RASSF3: variants seen among roughly 807,000 people sequenced by gnomAD.
RASSF3 encodes ras association domain-containing protein 3.
Under a neutral mutation model 19.9 loss-of-function variants are expected in RASSF3, and 19 were observed. That is an observed-to-expected ratio of 0.96 (90% CI 0.67 to 1.40). The LOEUF (loss-of-function observed/expected upper bound fraction) is 1.40, where lower values mean the gene tolerates loss of function less well. Among genes scored for constraint, RASSF3 ranks in the 40% most tolerant of loss-of-function variants. The probability of loss-of-function intolerance (pLI) is 0.00; values close to 1 mark genes in which losing one functional copy is unlikely to be tolerated. For missense variants in RASSF3, 306 were observed against 289.8 expected, an observed-to-expected ratio of 1.06 and a Z score of -0.41; for synonymous variants, 110 against 104.2, an observed-to-expected ratio of 1.06 and a Z score of -0.34.
downstream of RASSF3, among the ~76,000 whole-genome samples, chr12:64,546,302 G>A (rs1426510032): frequency 1.3e-5 from 2 of 151,876 alleles, no homozygotes; most frequent in African/African-American, 2.4e-5. Flanking sequence ...ACGGAGTCTC[G>A]CTCTGTTGCC....
intron 2 of RASSF3, among the ~76,000 whole-genome samples, chr12:64,564,947 T>G (rs11175453): frequency 0.59 from 89,702 of 151,006 alleles, 28,557 homozygotes; most frequent in Non-Finnish European, 0.72. Context: ...TGCCCAGCTA[T>G]TGTTTGTATT....
In RASSF3 at chr12:64,560,600, G is replaced by A. The variant is rs887642576; in HGVS notation, c.294+18895G>A. On this transcript the variant is annotated intron_variant, in intron 2 of 5. Coordinates refer to the RASSF3 transcript ENST00000637125. ...TTGTGCGAGGAACTATCCACGCCCCGTATATCATTCAGGGTAGCATCCTCT... is the reference window on the plus strand; with the variant it reads ...TTGTGCGAGGAACTATCCACGCCCCATATATCATTCAGGGTAGCATCCTCT... Among the ~76,000 whole-genome samples, 7 of 152,194 alleles carry A rather than the reference G, an allele frequency of 4.6e-5. No homozygotes were observed. In the South Asian group the frequency reaches 6.2e-4, roughly 14 times the overall value.
At chr12:64,667,968 G>A (rs945662073) in intron 1 of RASSF3, among the ~76,000 whole-genome samples, 3 of 152,210 alleles carry the variant, frequency 2.0e-5, no homozygotes, top group African/African-American at 4.8e-5. Context: ...GCAGATAGCT[G>A]GCAACAGGTT....
intron 1 of RASSF3, among the ~76,000 whole-genome samples, chr12:64,615,016 C>A (rs1592420675): frequency 6.6e-6 from 1 of 152,176 alleles, no homozygotes; most frequent in Non-Finnish European, 1.5e-5. Flanking sequence ...AAAATTTCAA[C>A]TCCCTGACCT....
chr12:64,614,082 T>C (rs1295962556), intron 1 of RASSF3, among the ~76,000 whole-genome samples: 1 of 152,100 alleles, frequency 6.6e-6, no homozygotes, highest in Non-Finnish European at 1.5e-5. Context: ...GAATGCAAGC[T>C]GAATGAATGA....
At chr12:64,535,183 G>T (rs753297509) in intron 1 of RASSF3, among the ~76,000 whole-genome samples, 3 of 151,914 alleles carry the variant, frequency 2.0e-5, no homozygotes, top group Non-Finnish European at 4.4e-5. Flanking sequence ...CCTGCAAATC[G>T]GTGGTCCATA....
chr12:64,530,433 G>A (rs190828337), upstream of RASSF3, among the ~76,000 whole-genome samples: 36 of 151,968 alleles, frequency 2.4e-4, no homozygotes, highest in South Asian at 2.1e-3. Context: ...GTGAGCCACC[G>A]TGCCTGGCCC....
At chr12:64,553,206 G>C (rs1284727362) in intron 2 of RASSF3, among the ~76,000 whole-genome samples, 1 of 152,198 alleles carries the variant, frequency 6.6e-6, no homozygotes, top group Non-Finnish European at 1.5e-5. Context: ...AGGTCTGCAA[G>C]TTGTTAGCTT....
chr12:64,663,244 C>T (rs1314659036), intron 1 of RASSF3, among the ~76,000 whole-genome samples: 2 of 152,084 alleles, frequency 1.3e-5, no homozygotes, highest in African/African-American at 4.8e-5. Flanking sequence ...TAACAAAGGC[C>T]TTCTTGTGTT....
At chr12:64,517,324 G>C (rs1868385845) in intron 1 of RASSF3, among the ~76,000 whole-genome samples, 1 of 150,660 alleles carries the variant, frequency 6.6e-6, no homozygotes, top group African/African-American at 2.4e-5. Flanking sequence ...CCCCCACTAA[G>C]CTATAATCTT....
intron 1 of RASSF3, among the ~76,000 whole-genome samples, chr12:64,512,868 G>A (rs1463278716): frequency 6.6e-6 from 1 of 152,128 alleles, no homozygotes; most frequent in South Asian, 2.1e-4. Context: ...ATATCAGAAA[G>A]TAGCATAAGT....
chr12:64,520,456 G>A (rs891606450), intron 1 of RASSF3, among the ~76,000 whole-genome samples: 2 of 150,730 alleles, frequency 1.3e-5, no homozygotes, highest in Non-Finnish European at 3.0e-5. Flanking sequence ...CCACCGCGCC[G>A]GCTAATTTCT....
At chr12:64,617,980 C>T (rs1870612367) in intron 1 of RASSF3, among the ~76,000 whole-genome samples, 1 of 152,192 alleles carries the variant, frequency 6.6e-6, no homozygotes. Context: ...TAATCATCTT[C>T]AAGGTTAGAA....
intron 2 of RASSF3, among the ~76,000 whole-genome samples, chr12:64,590,755 T>A (rs1336171429): frequency 6.6e-6 from 1 of 152,190 alleles, no homozygotes; most frequent in Non-Finnish European, 1.5e-5. Flanking sequence ...TAGGAAACCC[T>A]GGTCTCAGTA....
intron 1 of RASSF3, among the ~76,000 whole-genome samples, chr12:64,611,021 C>G (rs961517473): frequency 1.3e-5 from 2 of 152,216 alleles, no homozygotes; most frequent in African/African-American, 2.4e-5. Flanking sequence ...CTCGGGCTGC[C>G]GCCTGCGGGG....
At chr12:64,553,955 T>A (rs1271056224) in intron 2 of RASSF3, among the ~76,000 whole-genome samples, 1 of 136,110 alleles carries the variant, frequency 7.3e-6, no homozygotes, top group Non-Finnish European at 1.5e-5. Context: ...CCAGCCTGGG[T>A]GACAGAGTGA....
At chr12:64,620,115 G>A (rs1303937381) in intron 1 of RASSF3, among the ~76,000 whole-genome samples, 1 of 150,284 alleles carries the variant, frequency 6.7e-6, no homozygotes, top group Admixed American at 6.7e-5. Flanking sequence ...GGTGGTGAAC[G>A]AAACAGATTG....
At chr12:64,581,287 G>T (rs1005735400) in intron 2 of RASSF3, among the ~76,000 whole-genome samples, 2 of 152,174 alleles carry the variant, frequency 1.3e-5, no homozygotes, top group African/African-American at 4.8e-5. Flanking sequence ...ACTGTTGGCA[G>T]GGCTATCAGA....
intron 1 of RASSF3, among the ~76,000 whole-genome samples, chr12:64,622,346 CA>C (rs1232583716): frequency 1.3e-5 from 2 of 151,822 alleles, no homozygotes; most frequent in East Asian, 3.9e-4. Flanking sequence ...AGGTGTGAGC[CA>C]CCGTGCCTGG....
Sources: allele counts gnomAD v4.1 joint callset (sites outside exome capture counted in the v4.1 genomes callset), GRCh38; gene constraint gnomAD v4.1.1; transcripts MANE v1.5; gene names NCBI Gene and HGNC (gene_info 2026-07-23, HGNC 2026-07-21).